Variants in ARSG observed in about 807,000 individuals in gnomAD.
The protein encoded by ARSG is ASG.
A neutral mutation model predicts 50.5 loss-of-function variants in ARSG; 37 were observed. That is an observed-to-expected ratio of 0.73 (90% CI 0.56 to 0.96). The LOEUF is 0.96. ARSG is among the 50% of genes least tolerant of loss of function. ARSG has a pLI of 0.00. For synonymous variants in ARSG, 225 were observed against 254.6 expected, an observed-to-expected ratio of 0.88 and a Z score of 1.11; for missense variants, 629 against 675.3, an observed-to-expected ratio of 0.93 and a Z score of 0.76.
chr17:68,324,397 C>T (rs1396577494), intron 2 of ARSG, among the ~76,000 whole-genome samples: 1 of 152,168 alleles, frequency 6.6e-6, no homozygotes, highest in African/African-American at 2.4e-5. Flanking sequence ...ACTCTCAGGA[C>T]CTTCCCAGCC....
At chr17:68,445,463 G>A in the ARSG span, among the ~76,000 whole-genome samples, 1 of 152,094 alleles carries the variant, frequency 6.6e-6, no homozygotes, top group Non-Finnish European at 1.5e-5. Context: ...CTGCTTTTGG[G>A]CCGCTGTCTG....
chr17:68,343,608 G>C lies in ARSG; in HGVS notation c.223G>C (p.Val75Leu), dbSNP rs1387655884. The change falls in exon 3 of 12, where the codon GTG becomes CTG. Residue 75 changes from valine to leucine, a missense_variant. Coordinates refer to ENST00000621439, the MANE Select transcript of ARSG (RefSeq NM_001267727.2). ...ACCACTGTCCTTTCCCTGCAGGTTT[G>C]TGGATTTCCATGCAGCTGCCTCCAC... ...DKMASEGMRF[V>L]DFHAAASTCS... 6.2e-7 allele frequency: 1 copy of C among 1,608,036 alleles called. No individual in the cohort carries two copies. The highest frequency in any genetic ancestry group is 2.2e-5 in the East Asian group (1 of 44,800).
At position 68,378,930 on chromosome 17, in the gene ARSG, C is replaced by CG. The variant is rs1301526146; in HGVS notation, c.983-6129dup. Among the ~76,000 whole-genome samples, 1 of 85,138 alleles carries CG rather than the reference C, an allele frequency of 1.2e-5. No homozygotes were observed. The highest frequency in any genetic ancestry group is 2.5e-5 in the Non-Finnish European group (1 of 40,324). The allele number at this position is 85,138 out of a possible 152,430, so 55.9% of individuals were successfully genotyped here. On this transcript the variant is annotated intron_variant, in intron 8 of 11. Coordinates refer to ENST00000621439, the MANE Select transcript of ARSG (RefSeq NM_001267727.2). The surrounding 1 kb of genome is among the most constrained non-coding windows in gnomAD (Gnocchi z 4.4). ...CTGGGCCTTCTGTCCAGTTTGGGGT[C>CG]GGGGGTGGGGCGGGGAAAAGTCAGA...
At chr17:68,351,740 GA>G in intron 5 of ARSG, 54 bp downstream of exon 5, 1 of 1,188,794 alleles carries the variant, frequency 8.4e-7, no homozygotes, top group Non-Finnish European at 1.3e-6. Context: ...AAAGTTCCAA[GA>G]CTGTGGTCCA....
Position 68,381,081 on chromosome 17 carries a change from T to G in ARSG, c.983-3983T>G, listed in dbSNP as rs1393456310. Among the ~76,000 whole-genome samples, 1 of 152,170 alleles carries G rather than the reference T, an allele frequency of 6.6e-6. No homozygotes were observed. The highest frequency in any genetic ancestry group is 1.9e-4 in the East Asian group (1 of 5,190). ...CTTAGATGAGATCTCATCTGGTGAT[T>G]CTCTTGTATGGAGAAATTTGCGAAT... On this transcript the variant is annotated intron_variant, in intron 8 of 11. Coordinates refer to ENST00000621439, the MANE Select transcript of ARSG (RefSeq NM_001267727.2). The surrounding 1 kb of genome is among the most constrained non-coding windows in gnomAD (Gnocchi z 4.1).
chr17:68,337,193 G>T (rs2078061057), intron 2 of ARSG, among the ~76,000 whole-genome samples: 1 of 152,318 alleles, frequency 6.6e-6, no homozygotes, highest in South Asian at 2.1e-4. Context: ...AACACTGAGG[G>T]CAGCCCTGGA....
At chr17:68,407,965 G>T (rs116697217) in intron 11 of ARSG, among the ~76,000 whole-genome samples, 1 of 151,180 alleles carries the variant, frequency 6.6e-6, no homozygotes, top group Non-Finnish European at 1.5e-5. Flanking sequence ...CTCAGAGGGA[G>T]TGATATCAGC....
At chr17:68,338,523 C>CT (rs1434573327) in intron 2 of ARSG, among the ~76,000 whole-genome samples, 1 of 152,142 alleles carries the variant, frequency 6.6e-6, no homozygotes, top group Non-Finnish European at 1.5e-5. Flanking sequence ...TCAGACACGC[C>CT]TGAGTCCCAG....
chr17:68,437,029 T>C, the ARSG span, among the ~76,000 whole-genome samples: 15 of 150,564 alleles, frequency 1.0e-4, no homozygotes, highest in African/African-American at 3.4e-4. Flanking sequence ...TGTGTGTGTG[T>C]GTGTGTGTAT....
intron 6 of ARSG, 113 bp from the exon 7 acceptor site, chr17:68,368,435 C>G: frequency 2.2e-6 from 2 of 923,576 alleles, no homozygotes; most frequent in South Asian, 1.5e-5. Context: ...TTCTTGAGCC[C>G]GTGGGGCAGA....
At chr17:68,445,669 T>A in the ARSG span, among the ~76,000 whole-genome samples, 1 of 152,308 alleles carries the variant, frequency 6.6e-6, no homozygotes, top group East Asian at 1.9e-4. Context: ...CTCAGCTAAG[T>A]GAAAACAGGC....
intron 1 of ARSG, among the ~76,000 whole-genome samples, chr17:68,260,032 A>C (rs2075048584): frequency 6.6e-6 from 1 of 152,166 alleles, no homozygotes; most frequent in Non-Finnish European, 1.5e-5. Flanking sequence ...TGTTTCTTTA[A>C]AAGCTTGATA....
chr17:68,268,976 T>C, intron 1 of ARSG: 1 of 1,524,030 alleles, frequency 6.6e-7, no homozygotes, highest in South Asian at 1.3e-5. Flanking sequence ...ACACATTCCC[T>C]TTAAAATGTA....
Position 68,291,562 on chromosome 17 carries a change from A to C in ARSG, c.-558A>C, listed in dbSNP as rs2075991179. 1 of 150,076 alleles carries C rather than the reference A, an allele frequency of 6.7e-6. No individual in the cohort carries two copies. Among genetic ancestry groups the C allele is most frequent in the South Asian group, 2.1e-4 (1 of 4,800 alleles). 9.3% of individuals were successfully genotyped at this position (150,076 alleles called of 1,614,324 possible). A position where few individuals can be genotyped will look rare whatever the true frequency, so the allele number is the denominator to read the frequency against. The stretch of plus-strand genomic sequence containing the variant: ...CAGCCTGCCGCCTGGGCTGGGGGTC[A>C]CGAAAGGTAACCGCGTCGCGGTCCG... On this transcript the variant is annotated 5_prime_UTR_variant, in exon 1 of 12. Coordinates refer to ENST00000621439, the MANE Select transcript of ARSG (RefSeq NM_001267727.2).
At chr17:68,331,176 G>GGTTT (rs2077724425) in intron 2 of ARSG, among the ~76,000 whole-genome samples, 2 of 120,638 alleles carry the variant, frequency 1.7e-5, no homozygotes, top group African/African-American at 2.9e-5. Context: ...GCAAAGACAG[G>GGTTT]GTTTCTTTCT....
the ARSG span, chr17:68,450,653 C>T: frequency 6.6e-7 from 1 of 1,512,608 alleles, no homozygotes; most frequent in Non-Finnish European, 8.9e-7. Context: ...AGACATTGAT[C>T]TTGAAAGATG....
At chr17:68,340,429 C>T (rs1015034543) in intron 2 of ARSG, among the ~76,000 whole-genome samples, 12 of 152,008 alleles carry the variant, frequency 7.9e-5, no homozygotes, top group Non-Finnish European at 1.3e-4. Flanking sequence ...GAATCACAGG[C>T]GTGTGCCACC....
In ARSG at chr17:68,361,495, C is replaced by T. The variant is rs117710748; in HGVS notation, c.704+4691C>T. On this transcript the variant is annotated intron_variant, in intron 6 of 11. Transcript: ENST00000621439. ...TTGGGAGGCCAAGGGTAGGAGATTGCTTGAGCTCAGGCGTTCAAGACCAGT... is the reference window on the plus strand; with the variant it reads ...TTGGGAGGCCAAGGGTAGGAGATTGTTTGAGCTCAGGCGTTCAAGACCAGT... Among the ~76,000 whole-genome samples the T allele has an allele frequency of 9.2e-4, 140 of 152,186 alleles. 3 individuals are homozygous for T. In the East Asian group the frequency reaches 0.026, roughly 28 times the overall value.
intron 1 of ARSG, chr17:68,278,413 A>T: frequency 1.3e-6 from 1 of 756,936 alleles, no homozygotes; most frequent in South Asian, 1.7e-5. Context: ...AACAGATAAG[A>T]ACTACTTACC....
Sources: gnomAD v4.1 joint callset for allele counts (sites outside exome capture counted in the v4.1 genomes callset) on GRCh38, gnomAD v4.1.1 for gene constraint, Gnocchi (gnomAD v3.1) non-coding constraint, MANE v1.5 for transcripts, NCBI Gene and HGNC (gene_info 2026-07-23, HGNC 2026-07-21) for gene names.